PCDHGA6: variants seen among roughly 807,000 people sequenced by gnomAD.
PCDHGA6 encodes the protein protocadherin gamma subfamily A, 6.
PCDHGA6 carries 41 observed loss-of-function variants against 60.6 expected under a neutral mutation model. The observed-to-expected ratio is 0.68, with a 90% CI of 0.53 to 0.88. PCDHGA6 has a LOEUF of 0.88. Among genes scored for constraint, PCDHGA6 ranks in the 40% least tolerant of loss-of-function variants. The probability of loss-of-function intolerance (pLI) is 0.00; values close to 1 mark genes in which losing one functional copy is unlikely to be tolerated. For synonymous variants in PCDHGA6, 594 were observed against 524.4 expected (o/e 1.13, Z -1.81); for missense variants, 1,312 against 1,203.0 (o/e 1.09, Z -1.34).
rs146358809 is a variant in PCDHGA6, at chr5:141,480,913, C to T, written c.2425-13894C>T. 4.1e-3 allele frequency among the ~76,000 whole-genome samples: 617 copies of T among 152,096 alleles called. 6 individuals are homozygous for T. Among genetic ancestry groups the T allele is most frequent in the Admixed American group, 0.011 (171 of 15,272 alleles). ...TGCAAACATTAGCTGGGCATGGTGG[C>T]GCATACCTGTAGTCCCAGCTACTCT... On this transcript the variant is annotated intron_variant, in intron 1 of 3. Transcript: ENST00000517434.
intron 1 of PCDHGA6, among the ~76,000 whole-genome samples, chr5:141,387,387 G>C (rs2090926240): frequency 6.6e-6 from 1 of 152,214 alleles, no homozygotes; most frequent in Non-Finnish European, 1.5e-5. Context: ...TATATAGATA[G>C]TGCATGTTTG....
intron 1 of PCDHGA6, among the ~76,000 whole-genome samples, chr5:141,483,613 C>A (rs2099583607): frequency 6.6e-6 from 1 of 151,914 alleles, no homozygotes; most frequent in South Asian, 2.1e-4. Context: ...ACACCTCCAT[C>A]ATTCCCATGG....
At chr5:141,399,837 C>T in intron 1 of PCDHGA6, 4 of 1,613,130 alleles carry the variant, frequency 2.5e-6, no homozygotes, top group Non-Finnish European at 3.4e-6. Context: ...GCTCTGCGCT[C>T]TTCGATATGG....
rs200545713 is a variant in PCDHGA6 at position 141,422,296 on chromosome 5, A to G, written c.2424+45789A>G. 133 of 1,550,704 alleles carry G rather than the reference A, an allele frequency of 8.6e-5. 1 individual carries two copies. The Admixed American group carries it at 2.1e-3, about 25-fold the overall frequency. ...AACTATCACCTCTTCTATTAATTCAATTCTGGAAAACTCTCCTCCAGGTAC... is the reference window on the plus strand; with the variant it reads ...AACTATCACCTCTTCTATTAATTCAGTTCTGGAAAACTCTCCTCCAGGTAC... On this transcript the variant is annotated intron_variant, in intron 1 of 3. Transcript: ENST00000517434.
intron 1 of PCDHGA6, among the ~76,000 whole-genome samples, chr5:141,484,419 A>G (rs978469951): frequency 1.3e-5 from 2 of 152,206 alleles, no homozygotes; most frequent in Non-Finnish European, 2.9e-5. Flanking sequence ...TCCTGTTACA[A>G]TGAGAACATG....
At chr5:141,382,207 A>G (rs1042631528) in intron 1 of PCDHGA6, among the ~76,000 whole-genome samples, 1 of 152,206 alleles carries the variant, frequency 6.6e-6, no homozygotes, top group Admixed American at 6.5e-5. Context: ...ATTTATTAAA[A>G]TAGGTCTATA....
At chr5:141,422,911 G>A (rs375046528) in intron 1 of PCDHGA6, 5 of 1,614,118 alleles carry the variant, frequency 3.1e-6, no homozygotes, top group African/African-American at 2.7e-5. Flanking sequence ...CAATGCGCCC[G>A]AGATCCTGTA....
intron 1 of PCDHGA6, chr5:141,415,551 C>A (rs745641887): frequency 5.6e-6 from 9 of 1,614,014 alleles, no homozygotes; most frequent in Non-Finnish European, 7.6e-6. Context: ...GTGAGAAAAA[C>A]GATCCTTTGT....
rs753503057 is a variant in PCDHGA6 at position 141,400,154 on chromosome 5, T to A, written c.2424+23647T>A. 8 of 1,614,074 alleles carry A rather than the reference T, an allele frequency of 5.0e-6. 1 individual carries two copies. In the South Asian group the frequency reaches 6.6e-5, roughly 13 times the overall value. On this transcript the variant is annotated intron_variant, in intron 1 of 3. Coordinates refer to ENST00000517434, the MANE Select transcript of PCDHGA6 (RefSeq NM_018919.3). ...CTGCCGGATATCACTGACCGCCCTG[T>A]ACCCTCTGACCCCCAGGCTGAGCTG...
rs1214853229 is a variant in PCDHGA6 at position 141,432,238 on chromosome 5, GAA to G, written c.2424+55732_2424+55733del. ...CCCAGATCACTTATTCCCTGGCTGA[GAA>G]CACCATCCAAGGGGCAAGCCTATCG... On this transcript the variant is annotated intron_variant, in intron 1 of 3. Coordinates refer to ENST00000517434, the MANE Select transcript of PCDHGA6 (RefSeq NM_018919.3). The surrounding 1 kb of genome is among the most constrained non-coding windows in gnomAD (Gnocchi z 6.0). 1 of 1,614,216 alleles carries G rather than the reference GAA, an allele frequency of 6.2e-7. No homozygotes were observed. The highest frequency in any genetic ancestry group is 2.2e-5 in the East Asian group (1 of 44,882).
At chr5:141,434,199 T>G (rs1406339464) in intron 1 of PCDHGA6, among the ~76,000 whole-genome samples, 1 of 151,914 alleles carries the variant, frequency 6.6e-6, no homozygotes, top group Non-Finnish European at 1.5e-5. Context: ...CCAATGTACT[T>G]ACTTCTGTCA....
chr5:141,467,095 C>G (rs930625426), intron 1 of PCDHGA6, among the ~76,000 whole-genome samples: 2 of 150,094 alleles, frequency 1.3e-5, no homozygotes, highest in African/African-American at 4.9e-5. Context: ...CTCTGTCACA[C>G]AGGCTGGAGT....
At chr5:141,449,737 A>T (rs1174103155) in intron 1 of PCDHGA6, among the ~76,000 whole-genome samples, 3 of 151,666 alleles carry the variant, frequency 2.0e-5, no homozygotes, top group Non-Finnish European at 4.4e-5. Flanking sequence ...TTTTTATGAC[A>T]TGATTATTTT....
chr5:141,405,431 T>TGTTTTTGA (rs1428153443), intron 1 of PCDHGA6: 4 of 1,490,528 alleles, frequency 2.7e-6, no homozygotes, highest in Non-Finnish European at 2.7e-6. Flanking sequence ...TGTTTTGTTT[T>TGTTTTTGA]GTTTTTGAGA....
intron 1 of PCDHGA6, chr5:141,422,075 G>A (rs1192481253): frequency 1.9e-6 from 3 of 1,612,092 alleles, no homozygotes; most frequent in East Asian, 2.2e-5. Flanking sequence ...TATTCATTTC[G>A]GAACATGGAA....
At chr5:141,481,240 T>G (rs1323124277) in intron 1 of PCDHGA6, among the ~76,000 whole-genome samples, 1 of 152,208 alleles carries the variant, frequency 6.6e-6, no homozygotes, top group Non-Finnish European at 1.5e-5. Flanking sequence ...AAGTATTACA[T>G]AGCATAGCTC....
intron 1 of PCDHGA6, among the ~76,000 whole-genome samples, chr5:141,445,415 C>A (rs1235584061): frequency 6.6e-6 from 1 of 152,140 alleles, no homozygotes; most frequent in Non-Finnish European, 1.5e-5. Context: ...TAACTGTCTG[C>A]TATATGCAAG....
intron 1 of PCDHGA6, chr5:141,422,964 G>A: frequency 1.2e-6 from 2 of 1,614,190 alleles, no homozygotes; most frequent in Non-Finnish European, 1.7e-6. Flanking sequence ...TGGAGCTGGC[G>A]CCCCGCTCTG....
At chr5:141,473,330 C>T (rs1431360397) in intron 1 of PCDHGA6, among the ~76,000 whole-genome samples, 2 of 152,208 alleles carry the variant, frequency 1.3e-5, no homozygotes, top group East Asian at 3.8e-4. Flanking sequence ...TAAGTGCCTG[C>T]TGTGCTAGAC....
Sources: allele counts gnomAD v4.1 joint callset (sites outside exome capture counted in the v4.1 genomes callset), GRCh38; gene constraint gnomAD v4.1.1; non-coding constraint Gnocchi (gnomAD v3.1); transcripts MANE v1.5; gene names NCBI Gene and HGNC (gene_info 2026-07-23, HGNC 2026-07-21).